The following CACNA1G variants were observed in gnomAD, a reference collection of about 807,000 sequenced individuals.
CACNA1G encodes voltage-dependent T-type calcium channel subunit alpha-1G.
CACNA1G carries 67 observed loss-of-function variants against 219.4 expected under a neutral mutation model. The observed-to-expected ratio is 0.31, with a 90% CI of 0.25 to 0.37. The LOEUF (loss-of-function observed/expected upper bound fraction) is 0.37. Among genes scored for constraint, CACNA1G ranks in the 10% least tolerant of loss-of-function variants. The probability of loss-of-function intolerance (pLI) is 1.00; values close to 1 mark genes in which losing one functional copy is unlikely to be tolerated. For synonymous variants in CACNA1G, 1,296 were observed against 1,345.3 expected (o/e 0.96, Z 0.80); for missense variants, 2,380 against 3,231.4 (o/e 0.74, Z 6.39).
chr17:50,580,774 C>T (rs921573898), intron 9 of CACNA1G, among the ~76,000 whole-genome samples: 3 of 152,098 alleles, frequency 2.0e-5, no homozygotes, highest in African/African-American at 7.2e-5. Flanking sequence ...TGGGGGTGAG[C>T]GGGAGTCCCC....
At chr17:50,587,293 GA>G in intron 9 of CACNA1G, among the ~76,000 whole-genome samples, 1 of 152,158 alleles carries the variant, frequency 6.6e-6, no homozygotes, top group East Asian at 1.9e-4. Context: ...CAGTTTCCCA[GA>G]CTATCTAGGA....
chr17:50,576,061 G>A lies in CACNA1G; in HGVS notation c.1659G>A (p.Val553=), dbSNP rs1201065226. 1.3e-6 allele frequency: 2 copies of A among 1,582,976 alleles called. No homozygotes were observed. Among genetic ancestry groups the A allele is most frequent in the Non-Finnish European group, 1.7e-6 (2 of 1,165,790 alleles). ...CCCCCCCTGGTGGCGCAGAGTCTGT[G>A]CACAGCTTCTACCATGCCGACTGCC... ...SGAPPGGAES[V]HSFYHADCHL... The change falls in exon 8 of 38, where the codon GTG becomes GTA. Residue 553 remains valine, a synonymous_variant. Coordinates refer to ENST00000359106, the MANE Select transcript of CACNA1G (RefSeq NM_018896.5).
chr17:50,608,926 G>A (rs1399395777), intron 25 of CACNA1G, among the ~76,000 whole-genome samples: 8 of 152,126 alleles, frequency 5.3e-5, no homozygotes, highest in African/African-American at 1.7e-4. Flanking sequence ...TCTCAGTCAC[G>A]GCCCACGTCT....
In CACNA1G at chr17:50,620,160, G is replaced by A. The variant is rs151148556; in HGVS notation, c.5925+334G>A. Among the ~76,000 whole-genome samples the A allele has an allele frequency of 9.2e-3, 1,399 of 152,202 alleles. 23 individuals are homozygous for A. Among genetic ancestry groups the A allele is most frequent in the African/African-American group, 0.032 (1,319 of 41,510 alleles). ...AGATAAGTTAGCAGGGGGACCTTAG[G>A]GGGTGGAGGGAAGGAGGTATCAGAT... is the stretch of plus-strand genomic sequence containing the variant. On this transcript the variant is annotated intron_variant, in intron 34 of 37. Coordinates refer to ENST00000359106, the MANE Select transcript of CACNA1G (RefSeq NM_018896.5).
In CACNA1G at chr17:50,599,791, C is replaced by T. The variant is rs769151094; in HGVS notation, c.3622C>T (p.Leu1208=). The T allele has an allele frequency of 1.9e-6, 3 of 1,612,900 alleles. No individual in the cohort carries two copies. The highest frequency in any genetic ancestry group is 4.5e-5 in the East Asian group (2 of 44,892). ...CAATGGCAAGTCGGCTTCAGGGCGC[C>T]TGGCCCGGGCCCTGCGGCCTGATGA... ...DCNGKSASGR[L]ARALRPDDPP... is the part of the protein sequence containing the mutation. The change falls in exon 17 of 38, where the codon CTG becomes TTG. Residue 1208 remains leucine, a synonymous_variant. Transcript: ENST00000359106.
chr17:50,565,270 G>A (rs1273948147), intron 1 of CACNA1G, among the ~76,000 whole-genome samples: 14 of 152,008 alleles, frequency 9.2e-5, no homozygotes, highest in East Asian at 1.9e-4. Flanking sequence ...GGGTGGAGCC[G>A]GCTGCCTTTC....
chr17:50,589,442 C>T (rs558019278), intron 9 of CACNA1G, among the ~76,000 whole-genome samples: 9 of 152,142 alleles, frequency 5.9e-5, no homozygotes, highest in African/African-American at 9.7e-5. Context: ...GTTATTCAGC[C>T]GTTTTGTGTG....
At chr17:50,570,493 G>A (rs2144683347) in intron 4 of CACNA1G, among the ~76,000 whole-genome samples, 1 of 151,986 alleles carries the variant, frequency 6.6e-6, no homozygotes. Flanking sequence ...GGTTGGCGAG[G>A]AATGCATGTT....
At position 50,590,717 on chromosome 17, in the gene CACNA1G, G is replaced by A. The variant is rs1333967329; in HGVS notation, c.2453+95G>A. 7.2e-6 allele frequency: 9 copies of A among 1,244,414 alleles called. No homozygotes were observed. In the East Asian group the frequency reaches 2.3e-4, roughly 32 times the overall value. The allele number at this position is 1,244,414 out of a possible 1,614,324, so 77.1% of individuals were successfully genotyped here. On this transcript the variant is annotated intron_variant, in intron 10 of 37. Transcript: ENST00000359106. ...ATGCCACCTATTCCCCTGGGGTGGA[G>A]GGGTCTGGAGTCAGGCCCCACTGAC...
chr17:50,595,277 A>G (rs1414115405), intron 14 of CACNA1G, among the ~76,000 whole-genome samples: 1 of 152,126 alleles, frequency 6.6e-6, no homozygotes, highest in Admixed American at 6.5e-5. Context: ...GCCCCCATCA[A>G]CCCACCAAGG....
rs2044065605 is a variant in CACNA1G at position 50,590,522 on chromosome 17, C to T, written c.2353C>T (p.Leu785Phe). 6.2e-7 allele frequency: 1 copy of T among 1,613,966 alleles called. No individual in the cohort carries two copies. Among genetic ancestry groups the T allele is most frequent in the South Asian group, 1.1e-5 (1 of 91,078 alleles). The change falls in exon 10 of 38, where the codon CTC (leucine) becomes TTC (phenylalanine). Residue 785 changes from leucine to phenylalanine, a missense_variant. By Grantham distance (22) the Leu-to-Phe change is conservative. Coordinates refer to ENST00000359106, the MANE Select transcript of CACNA1G (RefSeq NM_018896.5). ...AATCAGCAACATCGTCTTCACCAGC[C>T]TCTTTGCCCTGGAGATGCTGCTGAA... is the stretch of plus-strand genomic sequence containing the variant. ...LEISNIVFTS[L>F]FALEMLLKLL...
In CACNA1G at chr17:50,601,461, G is replaced by A. The variant is rs533091875; in HGVS notation, c.3915+287G>A. Among the ~76,000 whole-genome samples the A allele has an allele frequency of 8.4e-4, 128 of 152,288 alleles. 1 individual carries two copies. Among genetic ancestry groups the A allele is most frequent in the Non-Finnish European group, 1.6e-3 (109 of 68,018 alleles). On this transcript the variant is annotated intron_variant, in intron 19 of 37. Transcript: ENST00000359106. ...GCCTTGTGGGGCACACGCGTGAGTC[G>A]GGGAGTGCTGGGGCGGTGCAGGGGC... is the stretch of plus-strand genomic sequence containing the variant.
chr17:50,618,204 C>A lies in CACNA1G; in HGVS notation c.5306-18C>A. On this transcript the variant is annotated intron_variant, in intron 31 of 37. Coordinates refer to ENST00000359106, the MANE Select transcript of CACNA1G (RefSeq NM_018896.5). This position sits in a 1 kb window ranked among gnomAD's most constrained non-coding sequence, Gnocchi z 5.3. ...CCTGGACTAACATGGGCCTCTCCCCCTTTCCCTCCTCCCCCAGAGTGTGAC... is the reference window on the plus strand; with the variant it reads ...CCTGGACTAACATGGGCCTCTCCCCATTTCCCTCCTCCCCCAGAGTGTGAC... The A allele has an allele frequency of 6.2e-7, 1 of 1,613,212 alleles. No homozygotes were observed. The highest frequency in any genetic ancestry group is 8.5e-7 in the Non-Finnish European group (1 of 1,179,306).
chr17:50,618,347 AG>A lies in CACNA1G; in HGVS notation c.5427+7del. 1.9e-6 allele frequency: 3 copies of A among 1,613,358 alleles called. No individual in the cohort carries two copies. Among genetic ancestry groups the A allele is most frequent in the Non-Finnish European group, 2.5e-6 (3 of 1,179,394 alleles). ...CAATTGGAATGGCATTATGAAGGTAAGGGCCCAGGGTTGGCCTAGGCTCCAG... is the reference window on the plus strand; with the variant it reads ...CAATTGGAATGGCATTATGAAGGTAAGGCCCAGGGTTGGCCTAGGCTCCAG... On this transcript the variant is annotated splice_donor_5th_base_variant and intron_variant, in intron 32 of 37. Coordinates refer to ENST00000359106, the MANE Select transcript of CACNA1G (RefSeq NM_018896.5). The surrounding 1 kb of genome is among the most constrained non-coding windows in gnomAD (Gnocchi z 5.3).
chr17:50,612,944 TC>T (rs2049552722), intron 26 of CACNA1G, among the ~76,000 whole-genome samples: 1 of 152,234 alleles, frequency 6.6e-6, no homozygotes, highest in African/African-American at 2.4e-5. Context: ...CCAAGGCTCC[TC>T]CCAGGGGCTT....
Position 50,618,121 on chromosome 17 carries a change from A to G in CACNA1G, c.5300A>G (p.Asp1767Gly). 1 of 1,613,564 alleles carries G rather than the reference A, an allele frequency of 6.2e-7. No individual in the cohort carries two copies. Among genetic ancestry groups the G allele is most frequent in the Non-Finnish European group, 8.5e-7 (1 of 1,179,788 alleles). The stretch of plus-strand genomic sequence containing the variant: ...GCTCTGGGCGTGGAGCTCTTTGGAG[A>G]CCTGGGTGAGTTGGGGTAGGGGAGG... ...FAALGVELFG[D>G]LECDETHPCE... The change falls in exon 31 of 38, where the codon GAC becomes GGC. Residue 1767 changes from aspartate to glycine, a missense_variant. This residue lies in a region of CACNA1G where 123 missense variants were observed against 258.4 expected (regional missense o/e 0.48). Coordinates refer to ENST00000359106, the MANE Select transcript of CACNA1G (RefSeq NM_018896.5). This position sits in a 1 kb window ranked among gnomAD's most constrained non-coding sequence, Gnocchi z 5.3.
rs539332121 is a variant in CACNA1G, at chr17:50,599,480, C to A, written c.3311C>A (p.Thr1104Asn). Residue 1104 changes from threonine to asparagine, a missense_variant, in exon 17 of 38, where the codon ACC becomes AAC. Coordinates refer to ENST00000359106, the MANE Select transcript of CACNA1G (RefSeq NM_018896.5). ...HSPWSAASSW[T>N]SRRSSRNSLG... ...CCCTGGAGCGCTGCAAGCAGCTGGA[C>A]CAGCAGGCGCTCCAGCCGGAACAGC... 4 of 1,588,046 alleles carry A rather than the reference C, an allele frequency of 2.5e-6. No individual in the cohort carries two copies. In the East Asian group the frequency reaches 6.9e-5, roughly 27 times the overall value.
intron 26 of CACNA1G, among the ~76,000 whole-genome samples, chr17:50,614,448 C>T (rs2049982374): frequency 6.6e-6 from 1 of 152,210 alleles, no homozygotes; most frequent in Non-Finnish European, 1.5e-5. Flanking sequence ...GAACATGTGC[C>T]CCAAGTTGGC....
rs776447637 is a variant in CACNA1G at position 50,591,456 on chromosome 17, G to T, written c.2475G>T (p.Gln825His). The change falls in exon 11 of 38, where the codon CAG becomes CAT. Residue 825 changes from glutamine to histidine, a missense_variant. By Grantham distance (24) the Gln-to-His change is conservative. This residue lies in a region of CACNA1G where 82 missense variants were observed against 140.7 expected (regional missense o/e 0.58). Transcript: ENST00000359106. Reference protein sequence around the residue: ...VVISVWEIVGQQGGGLSVLRT... With the variant: ...VVISVWEIVGHQGGGLSVLRT... ...GCAGCGTGTGGGAGATCGTGGGCCA[G>T]CAGGGGGGCGGCCTGTCGGTGCTGC... 1 of 1,587,002 alleles carries T rather than the reference G, an allele frequency of 6.3e-7. No individual in the cohort carries two copies. Among genetic ancestry groups the T allele is most frequent in the Admixed American group, 1.7e-5 (1 of 57,812 alleles).
Sources: gnomAD v4.1 joint callset for allele counts (sites outside exome capture counted in the v4.1 genomes callset) on GRCh38, gnomAD v4.1.1 for gene constraint, gnomAD v4.1.1 regional missense constraint, Gnocchi (gnomAD v3.1) non-coding constraint, MANE v1.5 for transcripts, NCBI Gene and HGNC (gene_info 2026-07-23, HGNC 2026-07-21) for gene names.